The following SPHK2 variants were observed in gnomAD, a reference collection of about 807,000 sequenced individuals.
SPHK2 encodes sphingosine kinase 2.
SPHK2 carries 18 observed loss-of-function variants against 32.3 expected under a neutral mutation model. The ratio of observed to expected loss-of-function variants is 0.56; its 90% CI spans 0.39 to 0.83. The LOEUF is 0.83. SPHK2 is among the 40% of genes least tolerant of loss of function. The probability of loss-of-function intolerance (pLI) is 0.00; values close to 1 mark genes in which losing one functional copy is unlikely to be tolerated. For synonymous variants in SPHK2, 462 were observed against 417.6 expected (o/e 1.11, Z -1.30); for missense variants, 850 against 908.7 (o/e 0.94, Z 0.83).
chr19:48,627,768 C>T lies in SPHK2; in HGVS notation c.588C>T (p.Ala196=), dbSNP rs1442270033. 2 of 1,613,964 alleles carry T rather than the reference C, an allele frequency of 1.2e-6. No individual in the cohort carries two copies. Among genetic ancestry groups the T allele is most frequent in the East Asian group, 2.2e-5 (1 of 44,880 alleles). The change falls in exon 4 of 7, where the codon GCC becomes GCT. Residue 196 remains alanine (A), a synonymous_variant. Coordinates refer to ENST00000245222, the MANE Select transcript of SPHK2 (RefSeq NM_020126.5). ...LVNPFGGRGL[A]WQWCKNHVLP... ...ATCCCTTTGGGGGTCGGGGCCTGGCCTGGCAGTGGTGTAAGAACCACGTGC... is the reference window on the plus strand; with the variant it reads ...ATCCCTTTGGGGGTCGGGGCCTGGCTTGGCAGTGGTGTAAGAACCACGTGC...
rs775077490 is a variant in SPHK2, at chr19:48,628,561, T to C, written c.873-120T>C. The C allele has an allele frequency of 6.2e-6, 8 of 1,291,324 alleles. No individual in the cohort carries two copies. Among genetic ancestry groups the C allele is most frequent in the Non-Finnish European group, 8.8e-6 (8 of 904,812 alleles). The allele number at this position is 1,291,324 out of a possible 1,614,324, so 80.0% of individuals were successfully genotyped here. A position where few individuals can be genotyped will look rare whatever the true frequency, so the allele number is the denominator to read the frequency against. On this transcript the variant is annotated intron_variant, in intron 6 of 6. Coordinates refer to ENST00000245222, the MANE Select transcript of SPHK2 (RefSeq NM_020126.5). This position sits in a 1 kb window ranked among gnomAD's most constrained non-coding sequence, Gnocchi z 5.2. ...AGTCGCCTGGAGGTGGCCCCACGGC[T>C]GTGGTGGGCCTGGGCCATGGCCTTC... is the stretch of plus-strand genomic sequence containing the variant.
chr19:48,627,047 T>C (rs1463448246), intron 3 of SPHK2, among the ~76,000 whole-genome samples: 1 of 151,994 alleles, frequency 6.6e-6, no homozygotes, highest in African/African-American at 2.4e-5. Flanking sequence ...GGCAGGAGAA[T>C]CACTTGAACC....
chr19:48,620,453 C>G lies in SPHK2; in HGVS notation c.-62C>G. ...GACCTGACTCCTTGCTCCTACCAGC[C>G]TACTATGGCTTAAGACCCAGGGCCA... is the stretch of plus-strand genomic sequence containing the variant. On this transcript the variant is annotated 5_prime_UTR_variant, in exon 2 of 7. Transcript: ENST00000245222. The G allele has an allele frequency of 6.7e-7, 1 of 1,501,908 alleles. No homozygotes were observed. The highest frequency in any genetic ancestry group is 9.2e-7 in the Non-Finnish European group (1 of 1,087,348). 93.0% of individuals were successfully genotyped at this position (1,501,908 alleles called of 1,614,324 possible).
At position 48,630,030 on chromosome 19, in the gene SPHK2, TTACGGGG is replaced by T. The variant is rs1457837311; in HGVS notation, c.*258_*264del. On this transcript the variant is annotated 3_prime_UTR_variant, in exon 7 of 7. Transcript: ENST00000245222. This position sits in a 1 kb window ranked among gnomAD's most constrained non-coding sequence, Gnocchi z 4.9. The stretch of plus-strand genomic sequence containing the variant: ...CCTGGCGTCTGATCTGGGGCCGCCC[TTACGGGG>T]CAGGGCTCAGTCCTGACGCTTGCCA... 1 of 1,340,922 alleles carries T rather than the reference TTACGGGG, an allele frequency of 7.5e-7. No homozygotes were observed. The highest frequency in any genetic ancestry group is 9.5e-7 in the Non-Finnish European group (1 of 1,048,128). 83.1% of individuals were successfully genotyped at this position (1,340,922 alleles called of 1,614,324 possible). A position where few individuals can be genotyped will look rare whatever the true frequency, so the allele number is the denominator to read the frequency against.
chr19:48,622,718 G>A lies in SPHK2; in HGVS notation c.39+2165G>A, dbSNP rs1974452193. 4.2e-5 allele frequency among the ~76,000 whole-genome samples: 6 copies of A among 144,480 alleles called. No individual in the cohort carries two copies. The South Asian group carries it at 1.4e-3, about 33-fold the overall frequency. 94.8% of individuals were successfully genotyped at this position (144,480 alleles called of 152,430 possible). On this transcript the variant is annotated intron_variant, in intron 2 of 6. Transcript: ENST00000245222. ...ACTGTGGGTTGGATGCTAGGTACAT[G>A]ATTTGGCAATAAGCAAACTTCTTCC...
intron 3 of SPHK2, 35 bp from the exon 4 acceptor site, chr19:48,627,657 C>G: frequency 6.5e-7 from 1 of 1,530,804 alleles, no homozygotes; most frequent in Middle Eastern, 2.2e-4. Context: ...GGGCCTGGGT[C>G]ACTGGCCTCT....
chr19:48,625,548 C>A, intron 2 of SPHK2: 1 of 1,306,424 alleles, frequency 7.7e-7, no homozygotes, highest in South Asian at 1.4e-5. Context: ...AATCCTTTCT[C>A]TTGTTTATCT....
intron 2 of SPHK2, chr19:48,625,604 G>A (rs1601159262): frequency 6.8e-7 from 1 of 1,472,214 alleles, no homozygotes; most frequent in East Asian, 2.7e-5. Flanking sequence ...CTCCTGCTGT[G>A]TTTGCTAGGC....
Position 48,626,343 on chromosome 19 carries a change from G to C in SPHK2, c.492G>C (p.Leu164=). The part of the protein sequence containing the change: ...ATALTCLLRG[L]PLPGDGEITP... ...CCCTCACCTGTCTGCTCCGAGGACT[G>C]CCACTGCCCGGGGATGGGGGTGAGG... Residue 164 remains leucine, a synonymous_variant, in exon 3 of 7, where the codon CTG becomes CTC. Coordinates refer to ENST00000245222, the MANE Select transcript of SPHK2 (RefSeq NM_020126.5). 1 of 1,589,278 alleles carries C rather than the reference G, an allele frequency of 6.3e-7. No homozygotes were observed. Among genetic ancestry groups the C allele is most frequent in the Non-Finnish European group, 8.5e-7 (1 of 1,175,910 alleles).
At chr19:48,625,439 A>G in intron 2 of SPHK2, 1 of 1,187,962 alleles carries the variant, frequency 8.4e-7, no homozygotes, top group Non-Finnish European at 1.1e-6. Flanking sequence ...CAGTCTTTGC[A>G]TGTCTGTTTC....
chr19:48,619,593 A>C, intron 1 of SPHK2, 50 bp downstream of exon 1: 1 of 193,810 alleles, frequency 5.2e-6, no homozygotes, highest in Non-Finnish European at 1.1e-5. Context: ...GAAATTTCCG[A>C]CCCCACGCTT....
chr19:48,622,654 C>T (rs183328154), intron 2 of SPHK2, among the ~76,000 whole-genome samples: 14 of 152,086 alleles, frequency 9.2e-5, no homozygotes, highest in Admixed American at 2.6e-4. Context: ...CCCTTCTCTC[C>T]GTGTCATTCC....
intron 2 of SPHK2, among the ~76,000 whole-genome samples, chr19:48,622,755 C>G (rs1645331): frequency 0.16 from 21,434 of 133,256 alleles, 2,246 homozygotes; most frequent in East Asian, 0.36. Context: ...ACATTTGTCT[C>G]TCTTTTTTTT....
In SPHK2 at chr19:48,627,806, C is replaced by T; in HGVS notation, c.626C>T (p.Ser209Phe). Reference sequence around the variant, plus strand: ...AAGAACCACGTGCTTCCCATGATCTCTGAAGCTGGGCTGTCCTTCAACCTC... The same window carrying T: ...AAGAACCACGTGCTTCCCATGATCTTTGAAGCTGGGCTGTCCTTCAACCTC... ...WCKNHVLPMISEAGLSFNLIQ... is the reference protein window; with the variant it reads ...WCKNHVLPMIFEAGLSFNLIQ... Residue 209 changes from serine (S) to phenylalanine (F), a missense_variant, in exon 4 of 7, where the codon TCT becomes TTT. Ser to Phe is a radical substitution (Grantham distance 155, BLOSUM62 -2). Around this residue, in one of 2 missense-constraint regions of SPHK2, gnomAD observed 544 missense variants for 640.0 expected, o/e 0.85. Transcript: ENST00000245222. The T allele has an allele frequency of 6.2e-7, 1 of 1,613,688 alleles. No homozygotes were observed. Among genetic ancestry groups the T allele is most frequent in the Non-Finnish European group, 8.5e-7 (1 of 1,179,784 alleles).
rs565291259 is a variant in SPHK2, at chr19:48,625,513, C to T, written c.40-378C>T. The T allele has an allele frequency of 2.4e-6, 3 of 1,234,830 alleles. No homozygotes were observed. In the South Asian group the frequency reaches 4.5e-5, roughly 19 times the overall value. 76.5% of individuals were successfully genotyped at this position (1,234,830 alleles called of 1,614,324 possible). On this transcript the variant is annotated intron_variant, in intron 2 of 6. Transcript: ENST00000245222. ...CTTCTTTTCCCCCAAAGCCCGTTAT[C>T]ATCACCCAACCACCTGTATATTTCA... is the stretch of plus-strand genomic sequence containing the variant.
At position 48,628,332 on chromosome 19, in the gene SPHK2, C is replaced by T. The variant is rs1023385939; in HGVS notation, c.872+55C>T. On this transcript the variant is annotated intron_variant, in intron 6 of 6. Transcript: ENST00000245222. The surrounding 1 kb of genome is among the most constrained non-coding windows in gnomAD (Gnocchi z 5.2). The stretch of plus-strand genomic sequence containing the variant: ...TGAGCCCCTCCTGGGGTGATAGGGA[C>T]CCCTATATCTCCCACTCAGCCAAAC... 6 of 1,495,994 alleles carry T rather than the reference C, an allele frequency of 4.0e-6. No homozygotes were observed. The African/African-American group carries it at 8.2e-5, about 21-fold the overall frequency. The allele number at this position is 1,495,994 out of a possible 1,614,324, so 92.7% of individuals were successfully genotyped here. A position where few individuals can be genotyped will look rare whatever the true frequency, so the allele number is the denominator to read the frequency against.
At chr19:48,625,826 C>T (rs1974590071) in intron 2 of SPHK2, 65 bp from the exon 3 acceptor site, 2 of 1,564,638 alleles carry the variant, frequency 1.3e-6, no homozygotes, top group African/African-American at 1.4e-5. Context: ...TCCACAGCCC[C>T]TGCCCCTCCC....
At chr19:48,626,481 C>G (rs1041305420) in intron 3 of SPHK2, 119 bp downstream of exon 3, 2 of 1,282,804 alleles carry the variant, frequency 1.6e-6, no homozygotes, top group African/African-American at 3.1e-5. Context: ...TCTCTGGATC[C>G]GTTAGGAGTG....
At chr19:48,624,898 T>C (rs537064466) in intron 2 of SPHK2, 575 of 983,186 alleles carry the variant, frequency 5.8e-4, no homozygotes, top group Non-Finnish European at 6.8e-4. Flanking sequence ...GTCCTGGCGC[T>C]CTGGGCCTGG....
Sources: allele counts gnomAD v4.1 joint callset (sites outside exome capture counted in the v4.1 genomes callset), GRCh38; gene constraint gnomAD v4.1.1; regional missense constraint gnomAD v4.1.1; non-coding constraint Gnocchi (gnomAD v3.1); transcripts MANE v1.5; gene names NCBI Gene and HGNC (gene_info 2026-07-23, HGNC 2026-07-21).